Variants in CENPA observed in about 807,000 individuals in gnomAD.
CENPA encodes centromere protein A.
CENPA carries 7 observed loss-of-function variants against 17.2 expected under a neutral mutation model. The observed-to-expected ratio is 0.41, with a 90% CI of 0.23 to 0.76. The LOEUF is 0.76. Ranked by LOEUF, CENPA falls within the 30% of genes least tolerant of loss-of-function variation. The pLI is 0.34. For missense variants in CENPA, 149 were observed against 193.1 expected (o/e 0.77, Z 1.35); for synonymous variants, 82 against 77.4 (o/e 1.06, Z -0.31).
chr2:26,793,807 T>C lies in CENPA; in HGVS notation c.*48-5T>C, dbSNP rs1375205801. ...TTGTTAGTAAGTGTGCTTCCTTAAT[T>C]TCAGGGATGATACCGGGGACTCTCC... On this transcript the variant is annotated splice_polypyrimidine_tract_variant and splice_region_variant and intron_variant, in intron 4 of 4. Coordinates refer to ENST00000335756, the MANE Select transcript of CENPA (RefSeq NM_001809.4). The C allele has an allele frequency of 6.5e-6, 1 of 153,118 alleles. No individual in the cohort carries two copies. The highest frequency in any genetic ancestry group is 1.5e-5 in the Non-Finnish European group (1 of 68,764). The allele number at this position is 153,118 out of a possible 1,614,324, so 9.5% of individuals were successfully genotyped here.
At chr2:26,793,020 G>C (rs1664648884) in intron 3 of CENPA, 125 bp from the exon 4 acceptor site, 2 of 1,396,460 alleles carry the variant, frequency 1.4e-6, no homozygotes, top group African/African-American at 2.9e-5. Flanking sequence ...GCAAAGTTCA[G>C]TCTCATTCTG....
At chr2:26,792,686 A>T in intron 2 of CENPA, 70 bp from the exon 3 acceptor site, 2 of 1,256,208 alleles carry the variant, frequency 1.6e-6, no homozygotes, top group Non-Finnish European at 2.3e-6. Context: ...CATGGAGAGC[A>T]TCATTGTCCC....
intron 2 of CENPA, chr2:26,792,452 CTG>C (rs1664637827): frequency 1.4e-6 from 1 of 710,770 alleles, no homozygotes; most frequent in Non-Finnish European, 2.6e-6. Context: ...CTTTTTAAAA[CTG>C]TAGTTTTTGA....
intron 1 of CENPA, 39 bp from the exon 2 acceptor site, chr2:26,792,092 C>T: frequency 1.3e-6 from 2 of 1,571,984 alleles, no homozygotes; most frequent in East Asian, 2.2e-5. Flanking sequence ...CTGCGAGGCA[C>T]CACCTATTTT....
At chr2:26,789,271 G>T (rs1046310717) in intron 1 of CENPA, among the ~76,000 whole-genome samples, 4 of 152,058 alleles carry the variant, frequency 2.6e-5, no homozygotes, top group African/African-American at 9.7e-5. Context: ...TTCTTACTGT[G>T]TCTCAGAAGC....
At chr2:26,788,782 T>C (rs993924640) in intron 1 of CENPA, among the ~76,000 whole-genome samples, 2 of 152,198 alleles carry the variant, frequency 1.3e-5, no homozygotes, top group Non-Finnish European at 2.9e-5. Context: ...TTCAAGCGAT[T>C]CTCCTGCCTC....
intron 1 of CENPA, among the ~76,000 whole-genome samples, chr2:26,787,436 T>G (rs938147031): frequency 6.6e-5 from 10 of 151,028 alleles, no homozygotes; most frequent in Admixed American, 5.9e-4. Flanking sequence ...AGGATGGTCT[T>G]GATCTCCTGA....
At chr2:26,789,115 A>C (rs1664570680) in intron 1 of CENPA, among the ~76,000 whole-genome samples, 1 of 152,062 alleles carries the variant, frequency 6.6e-6, no homozygotes, top group African/African-American at 2.4e-5. Context: ...CATACATTGC[A>C]TCTGATTCCT....
intron 1 of CENPA, among the ~76,000 whole-genome samples, chr2:26,787,027 G>A (rs953331355): frequency 2.0e-5 from 3 of 152,232 alleles, no homozygotes; most frequent in Admixed American, 1.3e-4. Context: ...CTTAACTCTT[G>A]CTACGTAGCT....
intron 3 of CENPA, 44 bp from the exon 4 acceptor site, chr2:26,793,101 G>T (rs2289018): frequency 1.9e-6 from 3 of 1,609,814 alleles, no homozygotes; most frequent in African/African-American, 1.3e-5. Context: ...AAAGCAGCCC[G>T]TGGCCCTTCA....
intron 1 of CENPA, among the ~76,000 whole-genome samples, chr2:26,787,902 C>A (rs996910320): frequency 1.3e-5 from 2 of 149,810 alleles, no homozygotes; most frequent in Admixed American, 6.7e-5. Context: ...CTGCAAATAA[C>A]TTTTGAATCT....
chr2:26,792,435 C>A, intron 2 of CENPA, 195 bp downstream of exon 2: 1 of 710,086 alleles, frequency 1.4e-6, no homozygotes, highest in Non-Finnish European at 2.6e-6. Context: ...TTTCTAACCT[C>A]TACTACCTTT....
intron 1 of CENPA, among the ~76,000 whole-genome samples, chr2:26,787,523 G>A (rs2148065619): frequency 6.6e-6 from 1 of 151,166 alleles, no homozygotes; most frequent in South Asian, 2.1e-4. Flanking sequence ...CCGGCTTTTT[G>A]GTTTTTTGTT....
chr2:26,788,430 C>A (rs903769357), intron 1 of CENPA, among the ~76,000 whole-genome samples: 2 of 152,150 alleles, frequency 1.3e-5, no homozygotes, highest in Non-Finnish European at 2.9e-5. Context: ...CTCCCCATGA[C>A]TATTTCATAC....
chr2:26,790,742 A>G (rs1401251099), intron 1 of CENPA, among the ~76,000 whole-genome samples: 2 of 152,182 alleles, frequency 1.3e-5, no homozygotes, highest in Non-Finnish European at 2.9e-5. Flanking sequence ...TTTAAATGTT[A>G]TCAGTCTTCT....
At chr2:26,790,717 A>G (rs1278345747) in intron 1 of CENPA, among the ~76,000 whole-genome samples, 2 of 152,208 alleles carry the variant, frequency 1.3e-5, no homozygotes, top group Non-Finnish European at 2.9e-5. Flanking sequence ...TCTCCTGGGC[A>G]TGGGTCTTCC....
chr2:26,793,679 A>G (rs1475662782), intron 4 of CENPA, 133 bp from the exon 5 acceptor site: 1 of 153,488 alleles, frequency 6.5e-6, no homozygotes, highest in Non-Finnish European at 1.4e-5. Flanking sequence ...CATTTTGATT[A>G]AGAGAAAACT....
At chr2:26,788,730 C>T (rs1055036292) in intron 1 of CENPA, among the ~76,000 whole-genome samples, 1 of 152,216 alleles carries the variant, frequency 6.6e-6, no homozygotes, top group Non-Finnish European at 1.5e-5. Flanking sequence ...GGCTGGAGAG[C>T]AACGGCGTGA....
intron 4 of CENPA, 70 bp downstream of exon 4, chr2:26,793,396 C>A: frequency 7.5e-7 from 1 of 1,331,406 alleles, no homozygotes; most frequent in Non-Finnish European, 1.0e-6. Flanking sequence ...CATCCATAGT[C>A]CCTTGTCACC....
Sources: gnomAD v4.1 joint callset for allele counts (sites outside exome capture counted in the v4.1 genomes callset) on GRCh38, gnomAD v4.1.1 for gene constraint, MANE v1.5 for transcripts, NCBI Gene and HGNC (gene_info 2026-07-23, HGNC 2026-07-21) for gene names.